NRG1: variants seen among roughly 807,000 people sequenced by gnomAD.
The protein encoded by NRG1 is pro-neuregulin-1, membrane-bound isoform.
A neutral mutation model predicts 63.8 loss-of-function variants in NRG1; 18 were observed. The observed-to-expected ratio is 0.28, with a 90% confidence interval of 0.19 to 0.42. NRG1 has a LOEUF of 0.42. Ranked by LOEUF, NRG1 falls within the 10% of genes least tolerant of loss-of-function variation. The pLI is 1.00. For missense variants in NRG1, 762 were observed against 814.7 expected (o/e 0.94, Z 0.79); for synonymous variants, 302 against 301.3 (o/e 1.00, Z -0.02).
rs956605868 is a variant in NRG1, at chr8:32,737,043, T to C, written c.633-5632T>C. Among the ~76,000 whole-genome samples, 17 of 152,284 alleles carry C rather than the reference T, an allele frequency of 1.1e-4. No individual in the cohort carries two copies. In the South Asian group the frequency reaches 1.2e-3, roughly 11 times the overall value. On this transcript the variant is annotated intron_variant, in intron 6 of 11. Transcript: ENST00000356819. ...ATTGAAGTTATTATTAACCACAGTT[T>C]TTATTATACTGGTGCTGGGCAGAAG...
chr8:31,975,082 A>C (rs1399240493), intron 1 of NRG1, among the ~76,000 whole-genome samples: 2 of 152,146 alleles, frequency 1.3e-5, no homozygotes, highest in African/African-American at 2.4e-5. Flanking sequence ...CTGTGTTTCC[A>C]TGCAAATAAT....
chr8:32,255,263 G>A (rs138618886), intron 1 of NRG1, among the ~76,000 whole-genome samples: 2,753 of 152,282 alleles, frequency 0.018, 82 homozygotes, highest in African/African-American at 0.063. Context: ...TTGCCTGTTA[G>A]TTGATGCAGT....
At chr8:32,116,676 A>G (rs1183938159) in intron 1 of NRG1, among the ~76,000 whole-genome samples, 3 of 152,034 alleles carry the variant, frequency 2.0e-5, no homozygotes, top group Non-Finnish European at 4.4e-5. Context: ...TCATCTTACA[A>G]TGTTAAGTAA....
chr8:31,956,905 A>G (rs1804533238), intron 1 of NRG1, among the ~76,000 whole-genome samples: 1 of 152,192 alleles, frequency 6.6e-6, no homozygotes, highest in Non-Finnish European at 1.5e-5. Context: ...TGCTCTGGGT[A>G]AAACTATTGG....
intron 1 of NRG1, among the ~76,000 whole-genome samples, chr8:32,412,975 G>A (rs1274780223): frequency 1.7e-4 from 26 of 152,058 alleles, no homozygotes; most frequent in Admixed American, 1.7e-3. Flanking sequence ...ACATAGACTG[G>A]TTAAGTTCCT....
intron 1 of NRG1, among the ~76,000 whole-genome samples, chr8:32,377,565 C>T (rs1156359465): frequency 6.6e-6 from 1 of 152,230 alleles, no homozygotes. Flanking sequence ...GAGTCATGAA[C>T]CAAAACAGTT....
At chr8:31,747,806 T>C (rs1187939751) in intron 1 of NRG1, among the ~76,000 whole-genome samples, 2 of 151,960 alleles carry the variant, frequency 1.3e-5, no homozygotes, top group Non-Finnish European at 1.5e-5. Flanking sequence ...AATCCACATG[T>C]CATCTTGAAA....
At chr8:31,716,448 A>C (rs1812359256) in intron 1 of NRG1, among the ~76,000 whole-genome samples, 1 of 152,240 alleles carries the variant, frequency 6.6e-6, no homozygotes, top group African/African-American at 2.4e-5. Context: ...GGCATTAACA[A>C]TATGTGCTTA....
chr8:31,985,572 A>AT lies in NRG1; in HGVS notation c.37+346151dup, dbSNP rs551231982. 2.2e-3 allele frequency among the ~76,000 whole-genome samples: 330 copies of AT among 150,140 alleles called. 2 individuals carry two copies. The highest frequency in any genetic ancestry group is 3.4e-3 in the Middle Eastern group (1 of 290). On this transcript the variant is annotated intron_variant, in intron 1 of 10. Transcript: ENST00000519301. ...CTTCTTTCAGCTTCAAATGATTTTG[A>AT]TTTTTTTTTTACTTTAGATACTCAG...
chr8:32,766,251 T>C (rs1268074291), exon 12 of NRG1: 1 of 152,304 alleles, frequency 6.6e-6, no homozygotes, highest in East Asian at 1.9e-4. Context: ...CAGAGATGCC[T>C]GTCTGCAGGT....
At chr8:32,091,160 C>T (rs1829085168) in intron 1 of NRG1, among the ~76,000 whole-genome samples, 1 of 151,466 alleles carries the variant, frequency 6.6e-6, no homozygotes, top group Non-Finnish European at 1.5e-5. Flanking sequence ...TGCCTGTAGT[C>T]CCAGCTACTC....
chr8:32,123,989 A>C (rs2131576232), intron 1 of NRG1, among the ~76,000 whole-genome samples: 1 of 152,034 alleles, frequency 6.6e-6, no homozygotes, highest in African/African-American at 2.4e-5. Flanking sequence ...AACCATCCTA[A>C]AACTAAAAAA....
intron 7 of NRG1, among the ~76,000 whole-genome samples, chr8:32,744,853 A>G (rs1439197380): frequency 6.6e-6 from 1 of 152,194 alleles, no homozygotes; most frequent in Non-Finnish European, 1.5e-5. Context: ...AGAAGATATC[A>G]TTTTAAAATA....
Position 31,826,319 on chromosome 8 carries a change from A to G in NRG1, c.37+186888A>G, listed in dbSNP as rs567903861. ...TGTAGCTCCCGTAATTGCAGGAGGG[A>G]CCTGGCAGGAGGTAATTGAATCATG... is the stretch of plus-strand genomic sequence containing the variant. On this transcript the variant is annotated intron_variant, in intron 1 of 10. Coordinates refer to the NRG1 transcript ENST00000519301. Among the ~76,000 whole-genome samples, 659 of 152,152 alleles carry G rather than the reference A, an allele frequency of 4.3e-3. 4 individuals carry two copies. Among genetic ancestry groups the G allele is most frequent in the African/African-American group, 0.015 (621 of 41,512 alleles).
chr8:32,151,602 C>T (rs546318457), intron 1 of NRG1, among the ~76,000 whole-genome samples: 78 of 152,052 alleles, frequency 5.1e-4, no homozygotes, highest in African/African-American at 1.9e-3. Flanking sequence ...CTGTGAGGAT[C>T]GGAAATGTAA....
chr8:32,473,623 T>C (rs1057469256), intron 1 of NRG1, among the ~76,000 whole-genome samples: 25 of 152,322 alleles, frequency 1.6e-4, no homozygotes, highest in Middle Eastern at 6.8e-3. Flanking sequence ...ACCTATGGTT[T>C]ATGATTTCCG....
chr8:31,817,543 T>C (rs1823574109), intron 1 of NRG1, among the ~76,000 whole-genome samples: 1 of 152,220 alleles, frequency 6.6e-6, no homozygotes, highest in Non-Finnish European at 1.5e-5. Flanking sequence ...AACATGCTGT[T>C]AGATAAATTA....
At chr8:32,733,671 A>G (rs868803187) in intron 6 of NRG1, among the ~76,000 whole-genome samples, 7 of 152,208 alleles carry the variant, frequency 4.6e-5, no homozygotes, top group Non-Finnish European at 5.9e-5. Flanking sequence ...TTTAAAACAC[A>G]GAGAAAATAT....
In NRG1 at chr8:31,839,822, G is replaced by A. The variant is rs531786977; in HGVS notation, c.37+200391G>A. Among the ~76,000 whole-genome samples, 60 of 152,266 alleles carry A rather than the reference G, an allele frequency of 3.9e-4. 1 individual carries two copies. The highest frequency in any genetic ancestry group is 1.3e-3 in the African/African-American group (53 of 41,550). On this transcript the variant is annotated intron_variant, in intron 1 of 10. Transcript: ENST00000519301. Reference sequence around the variant, plus strand: ...TAGTCATTTCCACTCGCTGGGCTCAGTCAGGTCTTTCATTAGTGAAACAGA... The same window carrying A: ...TAGTCATTTCCACTCGCTGGGCTCAATCAGGTCTTTCATTAGTGAAACAGA...
Sources: gnomAD v4.1 joint callset for allele counts (sites outside exome capture counted in the v4.1 genomes callset) on GRCh38, gnomAD v4.1.1 for gene constraint, MANE v1.5 for transcripts, NCBI Gene and HGNC (gene_info 2026-07-23, HGNC 2026-07-21) for gene names.